The following NUP210 variants were observed in gnomAD, a reference collection of about 807,000 sequenced individuals.
The protein encoded by NUP210 is nuclear pore membrane glycoprotein 210.
A neutral mutation model predicts 196.0 loss-of-function variants in NUP210; 151 were observed. The observed-to-expected ratio is 0.77, with a 90% CI of 0.67 to 0.88. The LOEUF is 0.88. NUP210 is among the 40% of genes least tolerant of loss of function. The pLI is 0.00. For synonymous variants in NUP210, 1,070 were observed against 1,052.7 expected (o/e 1.02, Z -0.32); for missense variants, 2,314 against 2,493.7 (o/e 0.93, Z 1.53).
In NUP210 at chr3:13,327,225, C is replaced by A. The variant is rs1381181376; in HGVS notation, c.4499G>T (p.Ser1500Ile). 1 of 1,612,710 alleles carries A rather than the reference C, an allele frequency of 6.2e-7. No homozygotes were observed. Among genetic ancestry groups the A allele is most frequent in the Admixed American group, 1.7e-5 (1 of 60,004 alleles). The part of the protein sequence containing the change: ...DVLCLATVLT[S>I]LEGLSGTWSS... The stretch of plus-strand genomic sequence containing the variant: ...CTCAGGATCTATCTTACCTTCCAGG[C>A]TGGTCAGAACAGTGGCCAGACAGAG... Residue 1500 changes from serine (S) to isoleucine (I), a missense_variant, in exon 32 of 40, where the codon AGC becomes ATC. Ser to Ile is a moderately radical substitution (Grantham distance 142, BLOSUM62 -2). Coordinates refer to ENST00000254508, the MANE Select transcript of NUP210 (RefSeq NM_024923.4).
chr3:13,319,052 C>T lies in NUP210; in HGVS notation c.5563+20G>A, dbSNP rs1186404479. On this transcript the variant is annotated intron_variant, in intron 39 of 39. Transcript: ENST00000254508. Reference sequence around the variant, plus strand: ...TTCTCAGCAGCTCTGCCTGGTTGTGCCTGCAGGGGGGCTACTCACAGTGGG... The same window carrying T: ...TTCTCAGCAGCTCTGCCTGGTTGTGTCTGCAGGGGGGCTACTCACAGTGGG... 1 of 1,586,360 alleles carries T rather than the reference C, an allele frequency of 6.3e-7. No individual in the cohort carries two copies. Among genetic ancestry groups the T allele is most frequent in the Non-Finnish European group, 8.6e-7 (1 of 1,168,396 alleles).
At chr3:13,393,241 G>A (rs1251100596) in intron 3 of NUP210, among the ~76,000 whole-genome samples, 1 of 152,182 alleles carries the variant, frequency 6.6e-6, no homozygotes, top group Non-Finnish European at 1.5e-5. Flanking sequence ...GTCCGCTTAT[G>A]GACAAGGGGA....
At chr3:13,386,531 T>G in intron 5 of NUP210, 124 bp from the exon 6 acceptor site, 2 of 1,254,620 alleles carry the variant, frequency 1.6e-6, no homozygotes, top group Non-Finnish European at 2.2e-6. Flanking sequence ...AGAAACAAGA[T>G]ATCATTCCCA....
intron 13 of NUP210, among the ~76,000 whole-genome samples, chr3:13,368,692 C>T (rs984226705): frequency 2.6e-5 from 4 of 152,206 alleles, no homozygotes; most frequent in African/African-American, 9.6e-5. Flanking sequence ...TTTGTCCTTT[C>T]GTGACTGGCT....
chr3:13,331,286 A>G (rs979698564), intron 29 of NUP210, among the ~76,000 whole-genome samples: 3 of 152,316 alleles, frequency 2.0e-5, no homozygotes, highest in Admixed American at 1.3e-4. Context: ...ACCCTTTTAC[A>G]TATTTATTAA....
At chr3:13,388,540 C>T in intron 4 of NUP210, 87 bp from the exon 5 acceptor site, 1 of 1,378,676 alleles carries the variant, frequency 7.3e-7, no homozygotes, top group Non-Finnish European at 9.8e-7. Flanking sequence ...CCTATCAGTA[C>T]CTCCCACTGG....
intron 1 of NUP210, among the ~76,000 whole-genome samples, chr3:13,418,254 G>T (rs1427517343): frequency 6.6e-6 from 1 of 152,222 alleles, no homozygotes; most frequent in African/African-American, 2.4e-5. Flanking sequence ...AAATGCAATG[G>T]GCTGACCTAG....
In NUP210 at chr3:13,414,707, C is replaced by T. The variant is rs1261786872; in HGVS notation, c.167+5353G>A. Among the ~76,000 whole-genome samples, 3 of 152,246 alleles carry T rather than the reference C, an allele frequency of 2.0e-5. No individual in the cohort carries two copies. The East Asian group carries it at 5.8e-4, about 29-fold the overall frequency. ...CTTGCTGTCCCCTCCAACTCAACCC[C>T]ACTCCACTCCTAGTTCGACTCCCAG... is the stretch of plus-strand genomic sequence containing the variant. On this transcript the variant is annotated intron_variant, in intron 1 of 39. Transcript: ENST00000254508.
At chr3:13,346,117 C>T (rs1021866221) in intron 20 of NUP210, among the ~76,000 whole-genome samples, 1 of 152,244 alleles carries the variant, frequency 6.6e-6, no homozygotes, top group African/African-American at 2.4e-5. Flanking sequence ...CTCTTCCACT[C>T]GATTTCCCAG....
At chr3:13,383,507 G>A (rs984431865) in intron 6 of NUP210, among the ~76,000 whole-genome samples, 7 of 142,014 alleles carry the variant, frequency 4.9e-5, no homozygotes, top group African/African-American at 1.6e-4. Flanking sequence ...AGCTAATTTA[G>A]AGTGAGCTCT....
chr3:13,363,303 C>G (rs1175389575), intron 14 of NUP210, among the ~76,000 whole-genome samples: 1 of 152,194 alleles, frequency 6.6e-6, no homozygotes, highest in Non-Finnish European at 1.5e-5. Context: ...GACTCTTGAT[C>G]CCATGCTCTT....
intron 9 of NUP210, among the ~76,000 whole-genome samples, chr3:13,377,213 C>T (rs1452618422): frequency 6.6e-6 from 1 of 152,128 alleles, no homozygotes; most frequent in Non-Finnish European, 1.5e-5. Context: ...GCTGTGGCAA[C>T]CTCTGCCCTC....
chr3:13,358,351 G>T lies in NUP210; in HGVS notation c.2199C>A (p.Pro733=), dbSNP rs758696211. 3.5e-5 allele frequency: 56 copies of T among 1,613,898 alleles called. No individual in the cohort carries two copies. In the Admixed American group the frequency reaches 4.2e-4, roughly 12 times the overall value. ...CCACGGCAGGCTCCACCGCAGGAAA[G>T]GGGTTGGTGAGGCTGGGCTTGTTCC... ...SVGNKPSLTN[P]FPAVEPAVVK... Residue 733 remains proline, a synonymous_variant, in exon 16 of 40, where the codon CCC becomes CCA. Coordinates refer to ENST00000254508, the MANE Select transcript of NUP210 (RefSeq NM_024923.4).
At chr3:13,343,975 G>T (rs750774656) in intron 20 of NUP210, among the ~76,000 whole-genome samples, 159 of 152,190 alleles carry the variant, frequency 1.0e-3, no homozygotes, top group Non-Finnish European at 2.2e-3. Flanking sequence ...CCAAGGTGTT[G>T]TGAGTGAATG....
chr3:13,361,789 G>T (rs1041582078), intron 14 of NUP210, among the ~76,000 whole-genome samples: 4 of 152,150 alleles, frequency 2.6e-5, no homozygotes, highest in Non-Finnish European at 5.9e-5. Context: ...TGGAATACAG[G>T]CTCAGCTTCT....
chr3:13,388,428 A>G lies in NUP210; in HGVS notation c.559T>C (p.Tyr187His). ...TCTGAGATGTAAGAAGGAGGGATGT[A>G]CGTAGACTCCAAGAAAGTGAGGATT... The part of the protein sequence containing the change: ...LRILTFLEST[Y>H]IPPSYISEME... Residue 187 changes from tyrosine (Y) to histidine (H), a missense_variant, in exon 5 of 40, where the codon TAC becomes CAC. By Grantham distance (83) the Tyr-to-His change is moderately conservative. Transcript: ENST00000254508. 1 of 1,610,450 alleles carries G rather than the reference A, an allele frequency of 6.2e-7. No homozygotes were observed. Among genetic ancestry groups the G allele is most frequent in the African/African-American group, 1.3e-5 (1 of 74,822 alleles).
chr3:13,374,482 C>T (rs1229687760), intron 11 of NUP210, among the ~76,000 whole-genome samples: 6 of 152,194 alleles, frequency 3.9e-5, no homozygotes, highest in Non-Finnish European at 7.3e-5. Flanking sequence ...GTGGTATCAG[C>T]TAGGGTCTGG....
chr3:13,381,757 T>C (rs1699108978), intron 6 of NUP210, among the ~76,000 whole-genome samples: 1 of 152,074 alleles, frequency 6.6e-6, no homozygotes, highest in South Asian at 2.1e-4. Flanking sequence ...CAGCTGCCCT[T>C]CTATAGGTCA....
chr3:13,323,171 G>T lies in NUP210; in HGVS notation c.4768+138C>A. 1 of 1,036,210 alleles carries T rather than the reference G, an allele frequency of 9.7e-7. No homozygotes were observed. Among genetic ancestry groups the T allele is most frequent in the Non-Finnish European group, 1.4e-6 (1 of 710,714 alleles). The allele number at this position is 1,036,210 out of a possible 1,614,324, so 64.2% of individuals were successfully genotyped here. On this transcript the variant is annotated intron_variant, in intron 34 of 39. Coordinates refer to ENST00000254508, the MANE Select transcript of NUP210 (RefSeq NM_024923.4). This position sits in a 1 kb window ranked among gnomAD's most constrained non-coding sequence, Gnocchi z 4.3. ...TTCAGAAACGCTGGAAGGAGTGGAT[G>T]AGTGGGGGCTAAATGCCCTCTCTGG...
Sources: gnomAD v4.1 joint callset for allele counts (sites outside exome capture counted in the v4.1 genomes callset) on GRCh38, gnomAD v4.1.1 for gene constraint, Gnocchi (gnomAD v3.1) non-coding constraint, MANE v1.5 for transcripts, NCBI Gene and HGNC (gene_info 2026-07-23, HGNC 2026-07-21) for gene names.